The following PDE5A variants were observed in gnomAD, a reference collection of about 807,000 sequenced individuals.
PDE5A encodes phosphodiesterase 5A.
Under a neutral mutation model 110.2 loss-of-function variants are expected in PDE5A, and 67 were observed. The ratio of observed to expected loss-of-function variants is 0.61; its 90% confidence interval spans 0.50 to 0.75. The LOEUF is 0.75. Among genes scored for constraint, PDE5A ranks in the 30% least tolerant of loss-of-function variants. The pLI is 0.00. For synonymous variants in PDE5A, 328 were observed against 351.2 expected (o/e 0.93, Z 0.74); for missense variants, 862 against 1,045.1 (o/e 0.82, Z 2.42).
intron 1 of PDE5A, among the ~76,000 whole-genome samples, chr4:119,622,601 C>T (rs1247115078): frequency 1.1e-4 from 17 of 151,922 alleles, no homozygotes; most frequent in Admixed American, 9.2e-4. Flanking sequence ...AGGCCGGGTG[C>T]GGTGGCTCAC....
intron 10 of PDE5A, among the ~76,000 whole-genome samples, chr4:119,541,195 C>T (rs970324927): frequency 6.6e-6 from 1 of 151,866 alleles, no homozygotes; most frequent in African/African-American, 2.4e-5. Context: ...ATGCTTGAAA[C>T]TTTCCATAAT....
chr4:119,587,785 G>A (rs1050908912), intron 3 of PDE5A, among the ~76,000 whole-genome samples: 1 of 152,174 alleles, frequency 6.6e-6, no homozygotes, highest in Non-Finnish European at 1.5e-5. Flanking sequence ...TATTTTTGCA[G>A]TTATATTTTC....
chr4:119,625,671 T>G (rs542286951), intron 1 of PDE5A, among the ~76,000 whole-genome samples: 1 of 152,204 alleles, frequency 6.6e-6, no homozygotes, highest in East Asian at 1.9e-4. Flanking sequence ...ACAATATTCA[T>G]TTTACACTTA....
At chr4:119,537,373 TAATC>T (rs972189655) in intron 11 of PDE5A, among the ~76,000 whole-genome samples, 55 of 152,054 alleles carry the variant, frequency 3.6e-4, no homozygotes, top group African/African-American at 1.3e-3. Context: ...AATAATCACT[TAATC>T]AACGAATCCA....
chr4:119,601,443 C>A (rs998379670), intron 2 of PDE5A, among the ~76,000 whole-genome samples: 67 of 151,886 alleles, frequency 4.4e-4, no homozygotes, highest in African/African-American at 1.6e-3. Flanking sequence ...TGCACACCAC[C>A]CCACCCCCCG....
At chr4:119,507,124 A>G (rs1725583325) in intron 16 of PDE5A, among the ~76,000 whole-genome samples, 1 of 151,986 alleles carries the variant, frequency 6.6e-6, no homozygotes. Context: ...TAGAATCAAC[A>G]ACTTCAAAGT....
chr4:119,584,672 T>C (rs1728695079), intron 3 of PDE5A, among the ~76,000 whole-genome samples: 1 of 152,204 alleles, frequency 6.6e-6, no homozygotes. Context: ...AAATATTTCC[T>C]GGCATTAAAA....
chr4:119,622,000 C>T (rs13136296), intron 1 of PDE5A, among the ~76,000 whole-genome samples: 16,614 of 151,896 alleles, frequency 0.11, 1,064 homozygotes, highest in Non-Finnish European at 0.15. Flanking sequence ...GAAACTCCAT[C>T]TCCAATAAAA....
At chr4:119,582,749 C>T (rs1728630554) in intron 3 of PDE5A, among the ~76,000 whole-genome samples, 1 of 152,192 alleles carries the variant, frequency 6.6e-6, no homozygotes, top group Non-Finnish European at 1.5e-5. Context: ...CCTTGTGCAT[C>T]TCCATCTGAG....
intron 3 of PDE5A, among the ~76,000 whole-genome samples, chr4:119,581,663 G>C (rs1161445650): frequency 6.6e-6 from 1 of 152,160 alleles, no homozygotes; most frequent in Admixed American, 6.5e-5. Context: ...AAAAAGACAT[G>C]ACCTCTTCTC....
intron 11 of PDE5A, among the ~76,000 whole-genome samples, chr4:119,538,536 C>T (rs1726809192): frequency 1.3e-5 from 2 of 152,044 alleles, no homozygotes; most frequent in African/African-American, 4.8e-5. Flanking sequence ...CTTATTTGAC[C>T]CCAATTTCAA....
chr4:119,505,958 A>G, intron 16 of PDE5A, 26 bp from the exon 17 acceptor site: 2 of 1,282,948 alleles, frequency 1.6e-6, no homozygotes, highest in Non-Finnish European at 1.1e-6. Context: ...AAAAATTGTT[A>G]GTTATAATGA....
intron 10 of PDE5A, 30 bp downstream of exon 10, chr4:119,542,429 C>G (rs777201392): frequency 1.9e-5 from 30 of 1,602,004 alleles, no homozygotes. Context: ...TTTGGCTGTA[C>G]AGTGTGAGAG....
intron 3 of PDE5A, among the ~76,000 whole-genome samples, chr4:119,575,523 G>A (rs1223956570): frequency 6.6e-6 from 1 of 152,146 alleles, no homozygotes; most frequent in African/African-American, 2.4e-5. Context: ...GAGAGTGGGG[G>A]CCAATATTCA....
chr4:119,589,095 G>A (rs1051903103), intron 3 of PDE5A, among the ~76,000 whole-genome samples: 2 of 152,046 alleles, frequency 1.3e-5, no homozygotes, highest in Non-Finnish European at 2.9e-5. Context: ...ATAATCTCTA[G>A]TTCATATCAG....
intron 10 of PDE5A, among the ~76,000 whole-genome samples, chr4:119,541,456 A>G (rs1403967498): frequency 1.3e-5 from 2 of 151,996 alleles, no homozygotes; most frequent in Admixed American, 6.6e-5. Flanking sequence ...GTGTACATAT[A>G]TATTTGAAAC....
intron 2 of PDE5A, among the ~76,000 whole-genome samples, chr4:119,601,147 C>T (rs1345609612): frequency 6.6e-6 from 1 of 152,066 alleles, no homozygotes; most frequent in Non-Finnish European, 1.5e-5. Context: ...CCCGAATTCA[C>T]ACTAATGAGG....
chr4:119,511,370 T>A (rs1725737804), intron 14 of PDE5A, among the ~76,000 whole-genome samples: 1 of 152,050 alleles, frequency 6.6e-6, no homozygotes, highest in African/African-American at 2.4e-5. Context: ...TATGAACAAT[T>A]TCATTGGTTT....
At chr4:119,617,700 C>G (rs1332899678) in intron 1 of PDE5A, among the ~76,000 whole-genome samples, 1 of 152,116 alleles carries the variant, frequency 6.6e-6, no homozygotes, top group Admixed American at 6.5e-5. Context: ...CGTAGAGCAA[C>G]TAGTTTAATA....
Sources: gnomAD v4.1 joint callset for allele counts (sites outside exome capture counted in the v4.1 genomes callset) on GRCh38, gnomAD v4.1.1 for gene constraint, MANE v1.5 for transcripts, NCBI Gene and HGNC (gene_info 2026-07-23, HGNC 2026-07-21) for gene names.